Variants in ASIC2 observed in about 807,000 individuals in gnomAD.
The protein encoded by ASIC2 is acid-sensing ion channel 2.
In ASIC2, 25 loss-of-function variants were observed where a neutral mutation model predicts 57.3. The observed-to-expected ratio is 0.44, with a 90% CI of 0.32 to 0.61. ASIC2 has a LOEUF of 0.61. Ranked by LOEUF, ASIC2 falls within the 20% of genes least tolerant of loss-of-function variation. ASIC2 has a pLI of 0.06. For synonymous variants in ASIC2, 319 were observed against 307.5 expected, an observed-to-expected ratio of 1.04 and a Z score of -0.39; for missense variants, 641 against 738.1, an observed-to-expected ratio of 0.87 and a Z score of 1.52.
At chr17:33,913,835 G>A (rs140473613) in intron 1 of ASIC2, among the ~76,000 whole-genome samples, 2 of 152,280 alleles carry the variant, frequency 1.3e-5, no homozygotes, top group African/African-American at 4.8e-5. Context: ...TATTTATTGA[G>A]CACCTACAAT....
intron 1 of ASIC2, among the ~76,000 whole-genome samples, chr17:34,034,959 T>C (rs917989020): frequency 9.9e-5 from 15 of 152,032 alleles, no homozygotes; most frequent in Admixed American, 3.9e-4. Context: ...ATAGATTCAA[T>C]GCCATCCCCA....
rs186129083 is a variant in ASIC2, at chr17:33,062,517, G to T, written c.987+26346C>A. Among the ~76,000 whole-genome samples, 1,006 of 152,298 alleles carry T rather than the reference G, an allele frequency of 6.6e-3. 5 individuals are homozygous for T. The highest frequency in any genetic ancestry group is 0.023 in the African/African-American group (953 of 41,552). Reference sequence around the variant, plus strand: ...TGAGTTCTAGTCTGATTGCACTGTGGTCTGAGAGACAGTTTGTTATAATTT... The same window carrying T: ...TGAGTTCTAGTCTGATTGCACTGTGTTCTGAGAGACAGTTTGTTATAATTT... On this transcript the variant is annotated intron_variant, in intron 3 of 9. Transcript: ENST00000225823.
At chr17:33,138,548 A>G (rs1388249709) in intron 1 of ASIC2, among the ~76,000 whole-genome samples, 4 of 152,170 alleles carry the variant, frequency 2.6e-5, no homozygotes, top group Admixed American at 2.6e-4. Context: ...GAATTTGACC[A>G]TTGCCCGTGG....
chr17:34,013,388 C>T (rs1337701171), intron 1 of ASIC2, among the ~76,000 whole-genome samples: 1 of 152,206 alleles, frequency 6.6e-6, no homozygotes, highest in African/African-American at 2.4e-5. Context: ...AGGTCTCTTC[C>T]TGGGGCAGCT....
intron 1 of ASIC2, among the ~76,000 whole-genome samples, chr17:33,871,436 C>T (rs1914405356): frequency 6.6e-6 from 1 of 152,228 alleles, no homozygotes; most frequent in Non-Finnish European, 1.5e-5. Context: ...CCACCTCCTT[C>T]TCCCTGCTCA....
At chr17:33,641,969 T>C (rs1332538431) in intron 1 of ASIC2, among the ~76,000 whole-genome samples, 1 of 152,210 alleles carries the variant, frequency 6.6e-6, no homozygotes, top group Non-Finnish European at 1.5e-5. Context: ...TCCTATTTTT[T>C]ATTTTTAGTT....
chr17:33,770,465 T>C (rs552944666), intron 1 of ASIC2, among the ~76,000 whole-genome samples: 1 of 152,308 alleles, frequency 6.6e-6, no homozygotes, highest in East Asian at 1.9e-4. Flanking sequence ...TTGTTGTTGT[T>C]TTTGCCACGA....
chr17:33,579,422 G>C (rs561447906), intron 1 of ASIC2, among the ~76,000 whole-genome samples: 38 of 152,048 alleles, frequency 2.5e-4, no homozygotes, highest in Non-Finnish European at 4.9e-4. Context: ...AGAAAACAAG[G>C]AGATATAGAC....
At position 33,980,942 on chromosome 17, in the gene ASIC2, A is replaced by ATTT. The variant is rs34633102; in HGVS notation, c.555+175033_555+175035dup. 232 of 130,502 alleles carry ATTT rather than the reference A, an allele frequency of 1.8e-3. 14 individuals are homozygous for ATTT. The highest frequency in any genetic ancestry group is 4.2e-3 in the Middle Eastern group (1 of 236). The allele number at this position is 130,502 out of a possible 1,614,324, so 8.1% of individuals were successfully genotyped here. ...TCTCCCCATCCCTTCCTCAAGTGTAATTTTTTTTTTTTTAGACAGAATCTT... is the reference window on the plus strand; with the variant it reads ...TCTCCCCATCCCTTCCTCAAGTGTAATTTTTTTTTTTTTTTTAGACAGAATCTT... On this transcript the variant is annotated intron_variant, in intron 1 of 9. Transcript: ENST00000359872.
chr17:34,023,282 T>C (rs1235902518), intron 1 of ASIC2, among the ~76,000 whole-genome samples: 1 of 152,086 alleles, frequency 6.6e-6, no homozygotes, highest in Non-Finnish European at 1.5e-5. Flanking sequence ...TCTATTTGTC[T>C]CTTTCCTAAG....
chr17:34,043,208 T>C (rs571890850), intron 1 of ASIC2, among the ~76,000 whole-genome samples: 1 of 152,316 alleles, frequency 6.6e-6, no homozygotes, highest in Admixed American at 6.5e-5. Context: ...CTGGTTCTGG[T>C]GATTCATTTA....
intron 1 of ASIC2, among the ~76,000 whole-genome samples, chr17:33,268,891 C>T (rs963004700): frequency 2.0e-5 from 3 of 152,184 alleles, no homozygotes; most frequent in South Asian, 2.1e-4. Flanking sequence ...AACACACTTG[C>T]TCTTTCCTCC....
intron 2 of ASIC2, among the ~76,000 whole-genome samples, chr17:33,103,957 C>T (rs1217879224): frequency 6.6e-6 from 1 of 152,182 alleles, no homozygotes. Flanking sequence ...ACCTCCACCT[C>T]TCAAACCTGT....
At chr17:33,882,035 G>T (rs1446643307) in intron 1 of ASIC2, among the ~76,000 whole-genome samples, 1 of 152,186 alleles carries the variant, frequency 6.6e-6, no homozygotes, top group Admixed American at 6.5e-5. Context: ...AATAAATGGT[G>T]CTGGGAAAAC....
chr17:33,143,700 A>G (rs2142020703), intron 1 of ASIC2, among the ~76,000 whole-genome samples: 1 of 150,372 alleles, frequency 6.7e-6, no homozygotes, highest in African/African-American at 2.5e-5. Flanking sequence ...TAGCAACGAT[A>G]GTAAAATCAG....
intron 1 of ASIC2, among the ~76,000 whole-genome samples, chr17:33,528,701 G>A (rs968618357): frequency 5.3e-5 from 8 of 152,164 alleles, no homozygotes; most frequent in African/African-American, 1.7e-4. Context: ...CTCTGTTCAG[G>A]CCTCCCTTCC....
At chr17:34,121,081 G>A (rs767924083) in intron 1 of ASIC2, among the ~76,000 whole-genome samples, 4 of 152,100 alleles carry the variant, frequency 2.6e-5, no homozygotes, top group Non-Finnish European at 2.9e-5. Flanking sequence ...TATACAGGGA[G>A]AAACAGCCAT....
chr17:33,464,477 TTTCTC>T (rs3057624), intron 1 of ASIC2, among the ~76,000 whole-genome samples: 39,518 of 106,138 alleles, frequency 0.37, 7,500 homozygotes, highest in South Asian at 0.43. Context: ...CTTTCTTTCT[TTTCTC>T]TCTTTCTTTC....
rs72822937 is a variant in ASIC2, at chr17:34,129,448, C to T, written c.555+26530G>A. ...CTTTGGGAATCCTGGTAGGACATGA[C>T]CGCATTTGATATACACACACATACC... On this transcript the variant is annotated intron_variant, in intron 1 of 9. Transcript: ENST00000359872. 3.8e-3 allele frequency among the ~76,000 whole-genome samples: 578 copies of T among 152,298 alleles called. 2 individuals are homozygous for T. The highest frequency in any genetic ancestry group is 6.2e-3 in the Non-Finnish European group (421 of 68,024).
Sources: allele counts gnomAD v4.1 joint callset (sites outside exome capture counted in the v4.1 genomes callset), GRCh38; gene constraint gnomAD v4.1.1; transcripts MANE v1.5; gene names NCBI Gene and HGNC (gene_info 2026-07-23, HGNC 2026-07-21).